SPPL3: variants seen among roughly 807,000 people sequenced by gnomAD.
SPPL3 encodes signal peptide peptidase-like 3.
Under a neutral mutation model 42.4 loss-of-function variants are expected in SPPL3, and 5 were observed. That is an observed-to-expected ratio of 0.12 (90% CI 0.06 to 0.25). The LOEUF is 0.25. Ranked by LOEUF, SPPL3 falls within the 10% of genes least tolerant of loss-of-function variation. SPPL3 has a pLI of 1.00. For synonymous variants in SPPL3, 195 were observed against 181.8 expected, an observed-to-expected ratio of 1.07 and a Z score of -0.58; for missense variants, 235 against 489.0, an observed-to-expected ratio of 0.48 and a Z score of 4.90.
At chr12:120,795,821 T>G (rs1870078297) in intron 2 of SPPL3, among the ~76,000 whole-genome samples, 1 of 152,230 alleles carries the variant, frequency 6.6e-6, no homozygotes, top group Non-Finnish European at 1.5e-5. Context: ...TCTTCTCCTC[T>G]TTCAGGGACT....
At chr12:120,855,950 CAG>C (rs936966725) in intron 1 of SPPL3, among the ~76,000 whole-genome samples, 1 of 152,058 alleles carries the variant, frequency 6.6e-6, no homozygotes, top group African/African-American at 2.4e-5. Context: ...TGAAAAGGCC[CAG>C]GGAGTGAATC....
At chr12:120,896,877 C>T (rs1045512702) in intron 1 of SPPL3, among the ~76,000 whole-genome samples, 1 of 152,006 alleles carries the variant, frequency 6.6e-6, no homozygotes, top group South Asian at 2.1e-4. Context: ...CCATTAAACT[C>T]TAGAAACATC....
intron 2 of SPPL3, among the ~76,000 whole-genome samples, chr12:120,807,427 G>A (rs2136998967): frequency 6.6e-6 from 1 of 152,158 alleles, no homozygotes; most frequent in Middle Eastern, 3.4e-3. Flanking sequence ...TGTAATCCCA[G>A]CACTTTGGGA....
At chr12:120,771,542 T>G (rs940231037) in intron 6 of SPPL3, among the ~76,000 whole-genome samples, 1 of 86,206 alleles carries the variant, frequency 1.2e-5, no homozygotes, top group Non-Finnish European at 2.2e-5. Context: ...CAACTTCTGA[T>G]ATACATAATT....
intron 1 of SPPL3, among the ~76,000 whole-genome samples, chr12:120,848,210 C>A (rs894646496): frequency 6.6e-6 from 1 of 152,182 alleles, no homozygotes; most frequent in Non-Finnish European, 1.5e-5. Context: ...CTATAAGCAA[C>A]TAAATACAAC....
At chr12:120,864,105 T>C (rs1442358209) in intron 1 of SPPL3, among the ~76,000 whole-genome samples, 1 of 152,214 alleles carries the variant, frequency 6.6e-6, no homozygotes, top group Non-Finnish European at 1.5e-5. Context: ...CCATGCATAA[T>C]TCTGTACATC....
In SPPL3 at chr12:120,903,826, C is replaced by T; in HGVS notation, c.23+19G>A. 1 of 1,473,296 alleles carries T rather than the reference C, an allele frequency of 6.8e-7. No individual in the cohort carries two copies. Among genetic ancestry groups the T allele is most frequent in the Non-Finnish European group, 8.9e-7 (1 of 1,119,054 alleles). 91.3% of individuals were successfully genotyped at this position (1,473,296 alleles called of 1,614,324 possible). ...CCCCACCCTTGCCGCCTCCCGGCCT[C>T]CCGGAGCCCCGCACTCACCACGAGT... On this transcript the variant is annotated intron_variant, in intron 1 of 10. Transcript: ENST00000353487.
At chr12:120,768,285 C>T (rs747974105) in intron 8 of SPPL3, 40 bp downstream of exon 8, 4 of 1,584,014 alleles carry the variant, frequency 2.5e-6, no homozygotes, top group Non-Finnish European at 3.4e-6. Flanking sequence ...CAGATAGGCA[C>T]AGGAAGACAG....
chr12:120,834,649 A>G (rs1871546857), intron 1 of SPPL3, among the ~76,000 whole-genome samples: 1 of 152,196 alleles, frequency 6.6e-6, no homozygotes, highest in Non-Finnish European at 1.5e-5. Context: ...TTCACAGTGA[A>G]CAGAGATCAG....
intron 9 of SPPL3, among the ~76,000 whole-genome samples, 200 bp from the exon 10 acceptor site, chr12:120,766,572 T>C (rs1050386338): frequency 6.6e-6 from 1 of 152,214 alleles, no homozygotes; most frequent in Admixed American, 6.5e-5. Context: ...CAAGGACACA[T>C]GACTGACCCA....
intron 6 of SPPL3, among the ~76,000 whole-genome samples, chr12:120,776,890 G>A (rs973478967): frequency 6.6e-6 from 1 of 152,202 alleles, no homozygotes; most frequent in Admixed American, 6.5e-5. Flanking sequence ...AATATCATTT[G>A]TCATAATATG....
chr12:120,859,356 G>C (rs917619638), intron 1 of SPPL3, among the ~76,000 whole-genome samples: 6 of 152,120 alleles, frequency 3.9e-5, no homozygotes, highest in Non-Finnish European at 7.4e-5. Flanking sequence ...AACCTGTACT[G>C]TGCTATGAGA....
intron 2 of SPPL3, among the ~76,000 whole-genome samples, chr12:120,806,061 A>G (rs2136997784): frequency 6.6e-6 from 1 of 150,842 alleles, no homozygotes; most frequent in Non-Finnish European, 1.5e-5. Flanking sequence ...ATGGAAATGC[A>G]AAGGATCCAG....
At chr12:120,815,170 A>T (rs1870824291) in intron 1 of SPPL3, among the ~76,000 whole-genome samples, 1 of 152,178 alleles carries the variant, frequency 6.6e-6, no homozygotes. Flanking sequence ...TCAAAGGGGA[A>T]ATGCACTTGC....
intron 2 of SPPL3, among the ~76,000 whole-genome samples, chr12:120,792,696 CA>C (rs57603403): frequency 0.16 from 11,145 of 71,662 alleles, 852 homozygotes; most frequent in East Asian, 0.43. Flanking sequence ...GAGACTGTCT[CA>C]AAAAAAAAAA....
intron 1 of SPPL3, among the ~76,000 whole-genome samples, chr12:120,864,170 A>T (rs1207582037): frequency 2.6e-5 from 4 of 152,212 alleles, no homozygotes; most frequent in Non-Finnish European, 4.4e-5. Flanking sequence ...CAAAATGCTT[A>T]TGTATTTCAT....
At chr12:120,777,211 G>C (rs1217421792) in intron 6 of SPPL3, among the ~76,000 whole-genome samples, 1 of 152,162 alleles carries the variant, frequency 6.6e-6, no homozygotes, top group Non-Finnish European at 1.5e-5. Flanking sequence ...AGTAACAGCA[G>C]GAGAAACATC....
Position 120,775,009 on chromosome 12 carries a change from CAG to C in SPPL3, c.503-5952_503-5951del, listed in dbSNP as rs59409685. Among the ~76,000 whole-genome samples, 58 of 152,298 alleles carry C rather than the reference CAG, an allele frequency of 3.8e-4. No individual in the cohort carries two copies. The East Asian group carries it at 0.01, about 27-fold the overall frequency. ...ACAACCAGTGAGTCAGGGACAAAGACAGTGACACCAAACCGAGCTCAAATGTT... is the reference window on the plus strand; with the variant it reads ...ACAACCAGTGAGTCAGGGACAAAGACTGACACCAAACCGAGCTCAAATGTT... On this transcript the variant is annotated intron_variant, in intron 6 of 10. Transcript: ENST00000353487.
intron 3 of SPPL3, among the ~76,000 whole-genome samples, chr12:120,789,187 C>T (rs1488820051): frequency 1.3e-5 from 2 of 152,214 alleles, no homozygotes; most frequent in African/African-American, 4.8e-5. Flanking sequence ...GGTGCAGTGG[C>T]TCATGCCTAT....
Sources: gnomAD v4.1 joint callset for allele counts (sites outside exome capture counted in the v4.1 genomes callset) on GRCh38, gnomAD v4.1.1 for gene constraint, MANE v1.5 for transcripts, NCBI Gene and HGNC (gene_info 2026-07-23, HGNC 2026-07-21) for gene names.